DENND1A: variants seen among roughly 807,000 people sequenced by gnomAD.
DENND1A encodes the protein DENN domain containing 1A.
In DENND1A, 51 loss-of-function variants were observed where a neutral mutation model predicts 113.7. The observed-to-expected ratio is 0.45, with a 90% CI of 0.36 to 0.57. The LOEUF (loss-of-function observed/expected upper bound fraction) is 0.57. DENND1A is among the 20% of genes least tolerant of loss of function. DENND1A has a pLI of 0.00. For missense variants in DENND1A, 1,258 were observed against 1,395.9 expected, an observed-to-expected ratio of 0.90 and a Z score of 1.57; for synonymous variants, 565 against 570.8, an observed-to-expected ratio of 0.99 and a Z score of 0.14.
chr9:123,601,673 AG>A (rs1182978128), intron 11 of DENND1A, among the ~76,000 whole-genome samples: 4 of 152,250 alleles, frequency 2.6e-5, no homozygotes, highest in Non-Finnish European at 1.5e-5. Flanking sequence ...ACTACTAACT[AG>A]GAAAATGAAT....
chr9:123,484,579 C>T (rs1173816762), intron 13 of DENND1A, among the ~76,000 whole-genome samples: 1 of 152,174 alleles, frequency 6.6e-6, no homozygotes, highest in Non-Finnish European at 1.5e-5. Context: ...CCTGCCCCGG[C>T]CCCTGCCTGT....
Position 123,382,424 on chromosome 9 carries a change from T to C in DENND1A, c.2221A>G (p.Ile741Val), listed in dbSNP as rs144036086. ...TCCTCCTTGTCACTGGGGTTCAGGATGCTGTCCCGGTTCTGGGGCCTTCGA... is the reference window on the plus strand; with the variant it reads ...TCCTCCTTGTCACTGGGGTTCAGGACGCTGTCCCGGTTCTGGGGCCTTCGA... Reference protein sequence around the residue: ...LPRRPQNRDSILNPSDKEEVP... With the variant: ...LPRRPQNRDSVLNPSDKEEVP... Residue 741 changes from isoleucine to valine, a missense_variant, in exon 24 of 24, where the codon ATC becomes GTC. By Grantham distance (29) the Ile-to-Val change is conservative (BLOSUM62 3). Coordinates refer to ENST00000394215, the MANE Select transcript of DENND1A (RefSeq NM_001352964.2). The C allele has an allele frequency of 3.1e-6, 5 of 1,607,426 alleles. No homozygotes were observed. The African/African-American group carries it at 5.3e-5, about 17-fold the overall frequency.
intron 13 of DENND1A, among the ~76,000 whole-genome samples, chr9:123,501,024 A>G (rs2052432275): frequency 6.6e-6 from 1 of 152,202 alleles, no homozygotes; most frequent in African/African-American, 2.4e-5. Context: ...TTGTGTAACC[A>G]TTATCACCAT....
At chr9:123,864,289 T>C (rs1252291030) in intron 2 of DENND1A, among the ~76,000 whole-genome samples, 3 of 152,234 alleles carry the variant, frequency 2.0e-5, no homozygotes, top group Non-Finnish European at 2.9e-5. Context: ...TCACTATTAG[T>C]TGCAGAGCCA....
At chr9:123,421,219 G>C (rs138191580) in intron 19 of DENND1A, among the ~76,000 whole-genome samples, 1 of 150,902 alleles carries the variant, frequency 6.6e-6, no homozygotes, top group Non-Finnish European at 1.5e-5. Context: ...ACCAGGCCCC[G>C]TGCTAGGAGA....
intron 13 of DENND1A, among the ~76,000 whole-genome samples, chr9:123,553,402 C>CA (rs1564706387): frequency 1.5e-5 from 1 of 65,574 alleles, no homozygotes; most frequent in African/African-American, 9.2e-5. Context: ...TAAAAGCCGC[C>CA]CCCCCCCCGC....
chr9:123,822,502 G>A (rs1167027390), intron 2 of DENND1A, among the ~76,000 whole-genome samples: 3 of 152,164 alleles, frequency 2.0e-5, no homozygotes, highest in African/African-American at 7.2e-5. Context: ...GACTAAGGAG[G>A]ATTCTAGGAC....
chr9:123,864,965 T>C (rs935881699), intron 2 of DENND1A, among the ~76,000 whole-genome samples: 5 of 152,174 alleles, frequency 3.3e-5, no homozygotes, highest in Non-Finnish European at 5.9e-5. Context: ...CTCTTGGAGC[T>C]GATATTCTTA....
chr9:123,706,966 A>C (rs954242692), intron 5 of DENND1A, among the ~76,000 whole-genome samples: 1 of 152,162 alleles, frequency 6.6e-6, no homozygotes, highest in Non-Finnish European at 1.5e-5. Flanking sequence ...GATAGCCAAG[A>C]GAAGGTGTAA....
chr9:123,607,488 G>GACACACACAC (rs10557656), intron 11 of DENND1A, among the ~76,000 whole-genome samples: 2 of 71,062 alleles, frequency 2.8e-5, no homozygotes, highest in Admixed American at 1.3e-4. Context: ...CAGAGAGAGA[G>GACACACACAC]ACACACACAC....
intron 12 of DENND1A, among the ~76,000 whole-genome samples, chr9:123,558,935 C>T (rs2057579448): frequency 6.6e-6 from 1 of 152,136 alleles, no homozygotes; most frequent in African/African-American, 2.4e-5. Context: ...TGGGTCTTGC[C>T]CTCATTCAGC....
chr9:123,876,877 TA>T (rs1337026530), intron 2 of DENND1A, among the ~76,000 whole-genome samples: 1 of 152,092 alleles, frequency 6.6e-6, no homozygotes, highest in African/African-American at 2.4e-5. Context: ...TACTCAGCCA[TA>T]AAAAAGAATG....
chr9:123,853,816 A>C (rs1450372046), intron 2 of DENND1A, among the ~76,000 whole-genome samples: 1 of 152,214 alleles, frequency 6.6e-6, no homozygotes, highest in African/African-American at 2.4e-5. Context: ...GGCAATACTT[A>C]GAGACATCTT....
At chr9:123,447,034 G>C (rs2047358429) in intron 18 of DENND1A, among the ~76,000 whole-genome samples, 1 of 152,192 alleles carries the variant, frequency 6.6e-6, no homozygotes, top group African/African-American at 2.4e-5. Flanking sequence ...TTAAAGCAGG[G>C]CATTCTCATG....
At chr9:123,772,394 C>T (rs1311999941) in intron 3 of DENND1A, among the ~76,000 whole-genome samples, 1 of 152,216 alleles carries the variant, frequency 6.6e-6, no homozygotes, top group Non-Finnish European at 1.5e-5. Context: ...GGACAACAGT[C>T]ATTAACCAGT....
At chr9:123,587,005 A>C (rs1307195939) in intron 11 of DENND1A, among the ~76,000 whole-genome samples, 1 of 151,928 alleles carries the variant, frequency 6.6e-6, no homozygotes, top group African/African-American at 2.4e-5. Context: ...CTTTGTTCCC[A>C]GGTGGATCGG....
At chr9:123,622,106 T>C (rs2060992782) in intron 10 of DENND1A, among the ~76,000 whole-genome samples, 1 of 152,146 alleles carries the variant, frequency 6.6e-6, no homozygotes, top group Non-Finnish European at 1.5e-5. Flanking sequence ...AAATGTAAAA[T>C]CGAAACCTTC....
intron 11 of DENND1A, among the ~76,000 whole-genome samples, chr9:123,599,348 T>A (rs1390067708): frequency 2.0e-5 from 3 of 152,176 alleles, no homozygotes; most frequent in Non-Finnish European, 4.4e-5. Context: ...CAGAGAGTAG[T>A]GTGTGGAGAA....
chr9:123,469,993 A>G (rs138544204), intron 13 of DENND1A, among the ~76,000 whole-genome samples: 23 of 152,340 alleles, frequency 1.5e-4, no homozygotes, highest in African/African-American at 4.3e-4. Context: ...TGACATATCA[A>G]TGGCCACTCA....
Sources: allele counts gnomAD v4.1 joint callset (sites outside exome capture counted in the v4.1 genomes callset), GRCh38; gene constraint gnomAD v4.1.1; transcripts MANE v1.5; gene names NCBI Gene and HGNC (gene_info 2026-07-23, HGNC 2026-07-21).